AGMO: variants seen among roughly 807,000 people sequenced by gnomAD.
AGMO encodes glyceryl-ether monooxygenase.
Under a neutral mutation model 60.2 loss-of-function variants are expected in AGMO, and 75 were observed. The ratio of observed to expected loss-of-function variants is 1.25; its 90% confidence interval spans 1.03 to 1.51. AGMO has a LOEUF of 1.51. AGMO is among the 40% of genes most tolerant of loss of function. AGMO has a pLI of 0.00. For synonymous variants in AGMO, 261 were observed against 177.1 expected (o/e 1.47, Z -3.76); for missense variants, 763 against 525.5 (o/e 1.45, Z -4.42).
At chr7:15,286,614 C>T (rs148192831) in intron 12 of AGMO, among the ~76,000 whole-genome samples, 36 of 152,196 alleles carry the variant, frequency 2.4e-4, no homozygotes, top group African/African-American at 7.5e-4. Context: ...AATGCTCATA[C>T]ACTGCTGGTG....
intron 12 of AGMO, among the ~76,000 whole-genome samples, chr7:15,259,763 T>C (rs1434401916): frequency 6.6e-6 from 1 of 151,744 alleles, no homozygotes; most frequent in Non-Finnish European, 1.5e-5. Flanking sequence ...TTAGTCTCCT[T>C]AAACAAAACA....
intron 3 of AGMO, among the ~76,000 whole-genome samples, chr7:15,478,881 C>T (rs891812636): frequency 6.6e-6 from 1 of 152,124 alleles, no homozygotes; most frequent in African/African-American, 2.4e-5. Flanking sequence ...AGATAATTAG[C>T]TTTATCCTAA....
intron 5 of AGMO, among the ~76,000 whole-genome samples, chr7:15,417,286 C>T (rs1258018761): frequency 6.6e-6 from 1 of 152,150 alleles, no homozygotes; most frequent in Non-Finnish European, 1.5e-5. Flanking sequence ...GAATAAGTCT[C>T]ACCAGTGGCT....
the AGMO span, among the ~76,000 whole-genome samples, chr7:15,148,559 C>G: frequency 6.6e-6 from 1 of 152,032 alleles, no homozygotes; most frequent in Non-Finnish European, 1.5e-5. Flanking sequence ...GTTTAGTTCC[C>G]ACTTATAAGT....
At chr7:15,165,760 A>C in the AGMO span, among the ~76,000 whole-genome samples, 1 of 152,166 alleles carries the variant, frequency 6.6e-6, no homozygotes, top group Non-Finnish European at 1.5e-5. Context: ...GGACATTGTA[A>C]AACTACCCAA....
intron 5 of AGMO, among the ~76,000 whole-genome samples, chr7:15,399,236 C>T (rs757951150): frequency 1.3e-5 from 2 of 152,014 alleles, no homozygotes; most frequent in African/African-American, 4.8e-5. Context: ...GTCAGGAAGA[C>T]CCTGAAGTTT....
the AGMO span, among the ~76,000 whole-genome samples, chr7:15,191,977 A>T: frequency 0.27 from 26,315 of 95,762 alleles, 2,555 homozygotes; most frequent in Non-Finnish European, 0.29. Flanking sequence ...TCTCTCTCAC[A>T]CACACACACA....
intron 3 of AGMO, among the ~76,000 whole-genome samples, chr7:15,544,322 C>A (rs910728971): frequency 6.6e-6 from 1 of 152,140 alleles, no homozygotes; most frequent in Admixed American, 6.5e-5. Context: ...AACTGAAGAA[C>A]TTATTCATGT....
At chr7:15,389,474 A>T (rs1037152028) in intron 8 of AGMO, among the ~76,000 whole-genome samples, 2 of 152,202 alleles carry the variant, frequency 1.3e-5, no homozygotes, top group Admixed American at 1.3e-4. Context: ...TAGTAAGTTT[A>T]ATCAAGATAC....
intron 12 of AGMO, among the ~76,000 whole-genome samples, chr7:15,237,703 C>T (rs1782467724): frequency 6.6e-6 from 1 of 152,132 alleles, no homozygotes; most frequent in Non-Finnish European, 1.5e-5. Flanking sequence ...TACACACACA[C>T]AAATACACAA....
chr7:15,192,256 C>T, the AGMO span, among the ~76,000 whole-genome samples: 1 of 150,934 alleles, frequency 6.6e-6, no homozygotes, highest in Admixed American at 6.7e-5. Context: ...TCACCCTGGC[C>T]CGCCATGCCC....
chr7:15,395,519 T>G (rs1784337730), intron 5 of AGMO, among the ~76,000 whole-genome samples: 1 of 152,176 alleles, frequency 6.6e-6, no homozygotes, highest in African/African-American at 2.4e-5. Flanking sequence ...TGTCATTTTG[T>G]TAGAAAATGC....
chr7:15,254,176 T>C (rs995090322), intron 12 of AGMO, among the ~76,000 whole-genome samples: 1 of 152,184 alleles, frequency 6.6e-6, no homozygotes, highest in Non-Finnish European at 1.5e-5. Flanking sequence ...TTGGTTATCT[T>C]AATAGTGCTA....
chr7:15,485,459 G>T (rs1055084809), intron 3 of AGMO, among the ~76,000 whole-genome samples: 3 of 152,188 alleles, frequency 2.0e-5, no homozygotes, highest in African/African-American at 7.2e-5. Context: ...ACCTTTATCT[G>T]TAGTCATGTC....
At chr7:15,265,200 C>T (rs1181097904) in intron 12 of AGMO, among the ~76,000 whole-genome samples, 4 of 152,106 alleles carry the variant, frequency 2.6e-5, no homozygotes, top group African/African-American at 9.7e-5. Context: ...CCAAATACCA[C>T]ATGTTCTCAC....
rs537559178 is a variant in AGMO, at chr7:15,366,064, A to G, written c.1157+76T>C. Reference sequence around the variant, plus strand: ...TAAAACTACACTAGTTACATAATATACTGGTATTTTACCACTCTGTGGAAA... The same window carrying G: ...TAAAACTACACTAGTTACATAATATGCTGGTATTTTACCACTCTGTGGAAA... On this transcript the variant is annotated intron_variant, in intron 11 of 12. Transcript: ENST00000342526. 243 of 1,044,116 alleles carry G rather than the reference A, an allele frequency of 2.3e-4. 2 individuals carry two copies. Among genetic ancestry groups the G allele is most frequent in the Non-Finnish European group, 2.2e-4 (157 of 698,810 alleles). The allele number at this position is 1,044,116 out of a possible 1,614,324, so 64.7% of individuals were successfully genotyped here. A position where few individuals can be genotyped will look rare whatever the true frequency, so the allele number is the denominator to read the frequency against.
intron 12 of AGMO, among the ~76,000 whole-genome samples, chr7:15,306,847 A>G (rs937330607): frequency 1.3e-5 from 2 of 152,026 alleles, no homozygotes; most frequent in Non-Finnish European, 2.9e-5. Context: ...GTTAGTGTAT[A>G]AAATATTATT....
At chr7:15,273,896 A>T (rs150944269) in intron 12 of AGMO, among the ~76,000 whole-genome samples, 1 of 152,048 alleles carries the variant, frequency 6.6e-6, no homozygotes, top group South Asian at 2.1e-4. Flanking sequence ...TGTGAATGGG[A>T]GTTCTATCAT....
intron 3 of AGMO, among the ~76,000 whole-genome samples, chr7:15,496,723 T>G (rs185843334): frequency 2.6e-5 from 4 of 152,190 alleles, no homozygotes; most frequent in African/African-American, 9.7e-5. Context: ...TATTGAAATA[T>G]GTATAATAAA....
Sources: allele counts gnomAD v4.1 joint callset (sites outside exome capture counted in the v4.1 genomes callset), GRCh38; gene constraint gnomAD v4.1.1; transcripts MANE v1.5; gene names NCBI Gene and HGNC (gene_info 2026-07-23, HGNC 2026-07-21).